Variants in DMD observed in about 807,000 individuals in gnomAD.
DMD encodes dystrophin.
DMD carries 63 observed loss-of-function variants against 330.1 expected under a neutral mutation model. The observed-to-expected ratio is 0.19, with a 90% CI of 0.16 to 0.24. The LOEUF is 0.24. Among genes scored for constraint, DMD ranks in the 10% least tolerant of loss-of-function variants. DMD has a pLI of 1.00. For missense variants in DMD, 3,344 were observed against 2,684.1 expected (o/e 1.25, Z -5.43); for synonymous variants, 1,223 against 959.8 (o/e 1.27, Z -5.07).
At chrX:31,397,473 C>T (rs1407223640) in intron 60 of DMD, among the ~76,000 whole-genome samples, 2 of 111,993 alleles carry the variant, frequency 1.8e-5, no homozygotes, top group Admixed American at 9.5e-5. Context: ...TTGCTTTCTC[C>T]GACAAGGAAG....
intron 9 of DMD, among the ~76,000 whole-genome samples, chrX:32,695,234 T>C (rs1254203872): frequency 8.9e-6 from 1 of 111,755 alleles, no homozygotes; most frequent in East Asian, 2.8e-4. Context: ...GTTGAATAAA[T>C]GCAAATTTGA....
At chrX:32,508,486 C>G (rs1017749995) in intron 18 of DMD, among the ~76,000 whole-genome samples, 1 of 111,235 alleles carries the variant, frequency 9.0e-6, no homozygotes, top group Non-Finnish European at 1.9e-5. Context: ...CCTGCAGTCA[C>G]CCTTTTTGCT....
chrX:31,296,152 T>A (rs2054170728), intron 62 of DMD, among the ~76,000 whole-genome samples: 1 of 111,143 alleles, frequency 9.0e-6, no homozygotes, highest in Admixed American at 9.6e-5. Flanking sequence ...AGATAGGAAA[T>A]CTCTTTTCTG....
At chrX:33,269,813 C>A (rs1279661339) in intron 1 of DMD, among the ~76,000 whole-genome samples, 2 of 110,823 alleles carry the variant, frequency 1.8e-5, no homozygotes, top group Non-Finnish European at 3.8e-5. Context: ...TACTTTACTG[C>A]ATTTTATGAG....
intron 64 of DMD, among the ~76,000 whole-genome samples, chrX:31,221,574 T>C (rs895504549): frequency 4.4e-5 from 5 of 112,971 alleles, no homozygotes; most frequent in African/African-American, 1.6e-4. Flanking sequence ...TAGTACCCCA[T>C]TGTCCCACTG....
chrX:32,188,929 A>T (rs898432368), intron 44 of DMD, among the ~76,000 whole-genome samples: 3 of 110,434 alleles, frequency 2.7e-5, no homozygotes, highest in African/African-American at 9.8e-5. Context: ...CTACGTAGTC[A>T]ATTTTTGCTT....
intron 2 of DMD, among the ~76,000 whole-genome samples, chrX:32,984,750 A>C (rs2092800376): frequency 1.8e-5 from 2 of 111,587 alleles, no homozygotes; most frequent in South Asian, 7.5e-4. Context: ...AGGAGTAAGG[A>C]GGTAACACTT....
chrX:33,314,892 C>G (rs914102240), intron 1 of DMD, among the ~76,000 whole-genome samples: 2 of 110,822 alleles, frequency 1.8e-5, no homozygotes, highest in East Asian at 5.7e-4. Flanking sequence ...GATCTTGGCT[C>G]ACTACAACTT....
At chrX:31,615,098 G>GCTC (rs2078126152) in intron 55 of DMD, among the ~76,000 whole-genome samples, 2 of 111,615 alleles carry the variant, frequency 1.8e-5, no homozygotes, top group African/African-American at 6.5e-5. Context: ...TAGAAAGTCT[G>GCTC]CTCCCAAAGA....
intron 52 of DMD, among the ~76,000 whole-genome samples, chrX:31,702,936 C>T (rs897307543): frequency 9.3e-6 from 1 of 107,627 alleles, no homozygotes; most frequent in Non-Finnish European, 1.9e-5. Flanking sequence ...CTCACTGCCA[C>T]CTCTGCCTCT....
intron 9 of DMD, among the ~76,000 whole-genome samples, chrX:32,674,569 G>T (rs2061846199): frequency 9.0e-6 from 1 of 111,235 alleles, no homozygotes; most frequent in South Asian, 3.7e-4. Flanking sequence ...TATGCGCTCG[G>T]TTTTTGTGCA....
chrX:31,534,980 A>G (rs1427530834), intron 55 of DMD, among the ~76,000 whole-genome samples: 17 of 72,070 alleles, frequency 2.4e-4, no homozygotes, highest in Admixed American at 7.8e-4. Flanking sequence ...GCTCAAGGAA[A>G]TAAAAGAGGA....
At chrX:33,211,603 A>G, upstream of DMD, 6 of 968,465 alleles carry the variant, frequency 6.2e-6, no homozygotes, top group Non-Finnish European at 6.5e-6. Flanking sequence ...CCTGCGCACA[A>G]GCAAGTGACC....
chrX:31,811,237 A>T lies in DMD; in HGVS notation c.7309+8738T>A, dbSNP rs904296634. On this transcript the variant is annotated intron_variant, in intron 50 of 78. Coordinates refer to ENST00000357033, the MANE Select transcript of DMD (RefSeq NM_004006.3). ...AAATACTAAACAGTAGAAGTTTCAC[A>T]TTCTATCACTGTCTTGGATGTTAAC... 5.3e-5 allele frequency among the ~76,000 whole-genome samples: 6 copies of T among 112,587 alleles called. No homozygotes were observed. The Admixed American group carries it at 5.6e-4, about 11-fold the overall frequency.
At chrX:33,246,979 C>T (rs2052674304) in intron 1 of DMD, among the ~76,000 whole-genome samples, 1 of 111,642 alleles carries the variant, frequency 9.0e-6, no homozygotes, top group Admixed American at 9.5e-5. Context: ...CCACCATGCC[C>T]GGCCAATTAT....
chrX:31,955,478 T>G (rs1185617854), intron 45 of DMD, among the ~76,000 whole-genome samples: 1 of 112,106 alleles, frequency 8.9e-6, no homozygotes, highest in African/African-American at 3.2e-5. Context: ...ATATCTTGTT[T>G]TTTCTTGTGC....
intron 55 of DMD, among the ~76,000 whole-genome samples, chrX:31,540,563 G>A (rs367581372): frequency 3.6e-5 from 4 of 112,022 alleles, no homozygotes; most frequent in Non-Finnish European, 7.5e-5. Context: ...AAAAGGAGAC[G>A]CTCTTGATTA....
At chrX:33,100,976 C>A (rs976998423) in intron 1 of DMD, among the ~76,000 whole-genome samples, 1 of 111,438 alleles carries the variant, frequency 9.0e-6, no homozygotes, top group African/African-American at 3.3e-5. Flanking sequence ...TAGGAAGCTG[C>A]TGGAAGAGAA....
chrX:31,754,563 T>C (rs1271268966), intron 51 of DMD, among the ~76,000 whole-genome samples: 1 of 110,878 alleles, frequency 9.0e-6, no homozygotes, highest in Non-Finnish European at 1.9e-5. Flanking sequence ...CCACTTCACA[T>C]AGTATCAACA....
Sources: allele counts gnomAD v4.1 joint callset (sites outside exome capture counted in the v4.1 genomes callset), GRCh38; gene constraint gnomAD v4.1.1; transcripts MANE v1.5; gene names NCBI Gene and HGNC (gene_info 2026-07-23, HGNC 2026-07-21).